The following KAZN variants were observed in gnomAD, a reference collection of about 807,000 sequenced individuals.
The protein encoded by KAZN is kazrin, periplakin interacting protein, also known as kazrin.
In KAZN, 40 loss-of-function variants were observed where a neutral mutation model predicts 87.4. The observed-to-expected ratio is 0.46, with a 90% confidence interval of 0.36 to 0.60. The LOEUF is 0.60. Among genes scored for constraint, KAZN ranks in the 20% least tolerant of loss-of-function variants. KAZN has a pLI of 0.00. For missense variants in KAZN, 898 were observed against 1,073.9 expected, an observed-to-expected ratio of 0.84 and a Z score of 2.29; for synonymous variants, 466 against 458.3, an observed-to-expected ratio of 1.02 and a Z score of -0.22.
At chr1:14,837,160 C>A (rs561172857) in intron 1 of KAZN, among the ~76,000 whole-genome samples, 18 of 152,276 alleles carry the variant, frequency 1.2e-4, no homozygotes, top group Middle Eastern at 3.4e-3. Context: ...TTGCTTTCTT[C>A]ATTTATCATT....
intron 2 of KAZN, among the ~76,000 whole-genome samples, chr1:15,033,020 A>AT (rs369244789): frequency 3.6e-4 from 55 of 151,854 alleles, no homozygotes; most frequent in African/African-American, 1.2e-3. Context: ...ACATGTACAG[A>AT]TTTTTTTTTC....
chr1:14,540,961 A>T (rs1231966899), intron 2 of KAZN, among the ~76,000 whole-genome samples: 1 of 152,230 alleles, frequency 6.6e-6, no homozygotes. Context: ...AAATAATTAG[A>T]TGAACAAGGA....
intron 1 of KAZN, among the ~76,000 whole-genome samples, chr1:14,835,575 C>T (rs945379699): frequency 6.6e-6 from 1 of 152,086 alleles, no homozygotes; most frequent in Non-Finnish European, 1.5e-5. Flanking sequence ...GAAACTGAAG[C>T]GCGGAAGTTA....
chr1:14,166,849 A>C (rs2100235586), intron 1 of KAZN, among the ~76,000 whole-genome samples: 1 of 152,320 alleles, frequency 6.6e-6, no homozygotes, highest in East Asian at 1.9e-4. Context: ...AAATGTCATT[A>C]ATTTAGATTT....
At chr1:14,813,510 G>A (rs1051113261) in intron 1 of KAZN, among the ~76,000 whole-genome samples, 4 of 152,132 alleles carry the variant, frequency 2.6e-5, no homozygotes, top group African/African-American at 9.7e-5. Context: ...TCCTGGAAGC[G>A]GATCTTCTGG....
intron 2 of KAZN, among the ~76,000 whole-genome samples, chr1:14,419,202 G>A (rs758835297): frequency 1.1e-4 from 16 of 152,146 alleles, no homozygotes; most frequent in Admixed American, 3.3e-4. Context: ...TTGCAGTGAC[G>A]CTGTGAGGAC....
chr1:14,385,830 C>A lies in KAZN; in HGVS notation c.249+205238C>A, dbSNP rs376871782. ...GAGTTCTGTAGATGTCTATTAGGTC[C>A]GCTTGGTGCAGAGCTGAGTTCAATT... On this transcript the variant is annotated intron_variant, in intron 2 of 16. Coordinates refer to the KAZN transcript ENST00000636203. 3.0e-4 allele frequency among the ~76,000 whole-genome samples: 44 copies of A among 147,590 alleles called. 1 individual carries two copies. In the South Asian group the frequency reaches 9.4e-3, roughly 31 times the overall value.
intron 2 of KAZN, among the ~76,000 whole-genome samples, chr1:14,335,971 A>G (rs969437900): frequency 6.6e-6 from 1 of 152,274 alleles, no homozygotes; most frequent in Non-Finnish European, 1.5e-5. Flanking sequence ...TCCTGCAGCA[A>G]TGCAGGTGAG....
intron 1 of KAZN, among the ~76,000 whole-genome samples, chr1:14,680,795 A>C (rs943373105): frequency 6.6e-6 from 1 of 152,180 alleles, no homozygotes; most frequent in African/African-American, 2.4e-5. Flanking sequence ...GTAGCTGAGG[A>C]GTATTACATG....
intron 1 of KAZN, among the ~76,000 whole-genome samples, chr1:14,760,473 C>T (rs1428225059): frequency 1.3e-5 from 2 of 152,174 alleles, no homozygotes; most frequent in Non-Finnish European, 2.9e-5. Flanking sequence ...CACTCGCTGG[C>T]CCAGTTTGAA....
At chr1:14,354,415 C>A (rs1658816992) in intron 2 of KAZN, among the ~76,000 whole-genome samples, 2 of 151,966 alleles carry the variant, frequency 1.3e-5, no homozygotes, top group Non-Finnish European at 2.9e-5. Context: ...TGCCTACATC[C>A]AACAAAGAAT....
chr1:14,790,990 C>T (rs1645657692), intron 1 of KAZN, among the ~76,000 whole-genome samples: 2 of 152,274 alleles, frequency 1.3e-5, no homozygotes, highest in South Asian at 2.1e-4. Flanking sequence ...CCGCACCGGC[C>T]CCCGCTGGCT....
rs201481507 is a variant in KAZN, at chr1:15,050,159, G to GATA, written c.727-5932_727-5931insATA. Reference sequence around the variant, plus strand: ...TCTCAATAGAATAATAGAATAGAATGGAATAGAATAGAATAGAATAGAATA... The same window carrying GATA: ...TCTCAATAGAATAATAGAATAGAATGATAGAATAGAATAGAATAGAATAGAATA... On this transcript the variant is annotated intron_variant, in intron 4 of 14. Transcript: ENST00000376030. Among the ~76,000 whole-genome samples, 202 of 131,332 alleles carry GATA rather than the reference G, an allele frequency of 1.5e-3. 5 individuals carry two copies. In the East Asian group the frequency reaches 0.019, roughly 12 times the overall value. The allele number at this position is 131,332 out of a possible 152,430, so 86.2% of individuals were successfully genotyped here.
At chr1:14,624,276 G>A (rs941664107) in intron 1 of KAZN, among the ~76,000 whole-genome samples, 1 of 152,138 alleles carries the variant, frequency 6.6e-6, no homozygotes, top group Non-Finnish European at 1.5e-5. Flanking sequence ...CAAAAAATTA[G>A]CCAGGCTTGG....
intron 1 of KAZN, among the ~76,000 whole-genome samples, chr1:13,970,762 A>G (rs1012180546): frequency 3.9e-5 from 6 of 152,116 alleles, no homozygotes; most frequent in African/African-American, 1.4e-4. Context: ...TCTGGTTCAT[A>G]CTTCTATTCT....
At chr1:14,266,588 A>C (rs1007116741) in intron 2 of KAZN, among the ~76,000 whole-genome samples, 1 of 152,236 alleles carries the variant, frequency 6.6e-6, no homozygotes, top group Non-Finnish European at 1.5e-5. Flanking sequence ...TAATAAAAAC[A>C]CACAAGATAA....
chr1:13,900,551 G>A (rs1043547486), intron 1 of KAZN, among the ~76,000 whole-genome samples: 1 of 152,122 alleles, frequency 6.6e-6, no homozygotes, highest in Non-Finnish European at 1.5e-5. Context: ...AGTAAGCAGC[G>A]TACACAGTGG....
intron 2 of KAZN, among the ~76,000 whole-genome samples, chr1:14,387,299 T>G (rs1224732017): frequency 6.6e-6 from 1 of 152,208 alleles, no homozygotes; most frequent in East Asian, 1.9e-4. Context: ...ATCTGAAGCC[T>G]TCTTCTCTCA....
chr1:14,833,727 G>A (rs1378528705), intron 1 of KAZN, among the ~76,000 whole-genome samples: 1 of 152,138 alleles, frequency 6.6e-6, no homozygotes, highest in Admixed American at 6.5e-5. Flanking sequence ...CCAGGAGCCT[G>A]AAGATGAGAG....
Sources: gnomAD v4.1 joint callset for allele counts (sites outside exome capture counted in the v4.1 genomes callset) on GRCh38, gnomAD v4.1.1 for gene constraint, MANE v1.5 for transcripts, NCBI Gene and HGNC (gene_info 2026-07-23, HGNC 2026-07-21) for gene names.